The following UBE3B variants were observed in gnomAD, a reference collection of about 807,000 sequenced individuals.
UBE3B encodes the protein ubiquitin-protein ligase E3B.
UBE3B carries 80 observed loss-of-function variants against 132.3 expected under a neutral mutation model. The ratio of observed to expected loss-of-function variants is 0.60; its 90% confidence interval spans 0.50 to 0.73. UBE3B has a LOEUF of 0.73. Among genes scored for constraint, UBE3B ranks in the 30% least tolerant of loss-of-function variants. UBE3B has a pLI of 0.00. For missense variants in UBE3B, 1,196 were observed against 1,362.5 expected (o/e 0.88, Z 1.92); for synonymous variants, 487 against 520.4 (o/e 0.94, Z 0.87).
chr12:109,530,091 G>A lies in UBE3B; in HGVS notation c.2810+19G>A. The stretch of plus-strand genomic sequence containing the variant: ...ATTTAAAGTAAGAGGCGGGTGGGGG[G>A]AAGGGTGAAATTCCTTGGCCTCCCA... On this transcript the variant is annotated intron_variant, in intron 25 of 27. Coordinates refer to ENST00000342494, the MANE Select transcript of UBE3B (RefSeq NM_130466.4). 1.2e-6 allele frequency: 2 copies of A among 1,605,456 alleles called. No homozygotes were observed. The highest frequency in any genetic ancestry group is 1.7e-6 in the Non-Finnish European group (2 of 1,173,016).
intron 4 of UBE3B, 111 bp downstream of exon 4, chr12:109,484,092 T>C (rs1592874623): frequency 8.7e-7 from 1 of 1,155,506 alleles, no homozygotes; most frequent in Non-Finnish European, 1.2e-6. Flanking sequence ...ACTGTCACCC[T>C]CACATCCTGT....
In UBE3B at chr12:109,534,803, C is replaced by T. The variant is rs367828195; in HGVS notation, c.*21C>T. On this transcript the variant is annotated 3_prime_UTR_variant, in exon 28 of 28. Transcript: ENST00000342494. The surrounding 1 kb of genome is among the most constrained non-coding windows in gnomAD (Gnocchi z 5.2). ...CCTAGCTCCTGTCCCAGCCCTGCCTCCAGGGCTCCTGGGCTGCCAGGGACC... is the reference window on the plus strand; with the variant it reads ...CCTAGCTCCTGTCCCAGCCCTGCCTTCAGGGCTCCTGGGCTGCCAGGGACC... 2.0e-5 allele frequency: 29 copies of T among 1,473,580 alleles called. No individual in the cohort carries two copies. The highest frequency in any genetic ancestry group is 2.6e-5 in the Non-Finnish European group (29 of 1,105,686). The allele number at this position is 1,473,580 out of a possible 1,614,324, so 91.3% of individuals were successfully genotyped here. A position where few individuals can be genotyped will look rare whatever the true frequency, so the allele number is the denominator to read the frequency against.
intron 9 of UBE3B, among the ~76,000 whole-genome samples, chr12:109,495,909 C>A (rs781119404): frequency 3.9e-5 from 6 of 152,348 alleles, no homozygotes; most frequent in African/African-American, 1.4e-4. Flanking sequence ...ACGGCCATCA[C>A]GAACATGTCA....
At chr12:109,494,339 A>G (rs189778940) in intron 9 of UBE3B, among the ~76,000 whole-genome samples, 90 of 152,348 alleles carry the variant, frequency 5.9e-4, no homozygotes, top group Non-Finnish European at 8.8e-5. Context: ...AGTAAATAGC[A>G]CTTGAGAACC....
At chr12:109,503,237 C>T (rs2135938990) in intron 14 of UBE3B, 47 bp downstream of exon 14, 3 of 1,588,424 alleles carry the variant, frequency 1.9e-6, no homozygotes, top group Non-Finnish European at 1.7e-6. Flanking sequence ...ATTTGGCAGA[C>T]AGTTTGTCTT....
At chr12:109,490,697 T>C (rs377311778) in intron 8 of UBE3B, 3 of 1,447,316 alleles carry the variant, frequency 2.1e-6, no homozygotes, top group African/African-American at 2.9e-5. Context: ...TTTTTAACTT[T>C]ATTATTAAAG....
At chr12:109,497,970 C>A (rs772670592) in intron 10 of UBE3B, 47 bp downstream of exon 10, 1 of 1,586,546 alleles carries the variant, frequency 6.3e-7, no homozygotes, top group South Asian at 1.1e-5. Context: ...TTGTGTTTTT[C>A]TTTTCTTCTT....
At chr12:109,510,242 G>C in intron 16 of UBE3B, 102 bp from the exon 17 acceptor site, 1 of 907,724 alleles carries the variant, frequency 1.1e-6, no homozygotes, top group Non-Finnish European at 1.7e-6. Flanking sequence ...CAGAGCGAGG[G>C]AGATCAAGGA....
intron 24 of UBE3B, chr12:109,528,448 A>T: frequency 1.0e-6 from 1 of 985,186 alleles, no homozygotes; most frequent in Non-Finnish European, 1.2e-6. Context: ...TTAAATAGGG[A>T]TATTTTTGAG....
intron 19 of UBE3B, chr12:109,520,596 T>C (rs139031957): frequency 3.0e-3 from 453 of 152,530 alleles, no homozygotes; most frequent in Non-Finnish European, 4.5e-3. Flanking sequence ...TGTTACTCTT[T>C]GCCTAAAACC....
intron 18 of UBE3B, among the ~76,000 whole-genome samples, chr12:109,514,167 C>T (rs1880711623): frequency 6.6e-6 from 1 of 152,184 alleles, no homozygotes; most frequent in Non-Finnish European, 1.5e-5. Flanking sequence ...TGTGACTCAT[C>T]CCCTGGCTGG....
chr12:109,545,336 C>T, the UBE3B span, among the ~76,000 whole-genome samples: 1 of 152,216 alleles, frequency 6.6e-6, no homozygotes, highest in Non-Finnish European at 1.5e-5. Flanking sequence ...GCCTCCTGTG[C>T]CCCAGGCTGG....
At position 109,530,070 on chromosome 12, in the gene UBE3B, A is replaced by G. The variant is rs776705173; in HGVS notation, c.2808A>G (p.Leu936=). ...GDNAEIDLED[L]KKHTVYYGGF... ...ATGCTGAGATTGATCTGGAAGATTTAAAGTAAGAGGCGGGTGGGGGGAAGG... is the reference window on the plus strand; with the variant it reads ...ATGCTGAGATTGATCTGGAAGATTTGAAGTAAGAGGCGGGTGGGGGGAAGG... Residue 936 remains leucine, a splice_region_variant and synonymous_variant, in exon 25 of 28, where the codon TTA becomes TTG. Coordinates refer to ENST00000342494, the MANE Select transcript of UBE3B (RefSeq NM_130466.4). 9.3e-6 allele frequency: 15 copies of G among 1,613,650 alleles called. No homozygotes were observed. In the South Asian group the frequency reaches 1.3e-4, roughly 14 times the overall value.
intron 8 of UBE3B, chr12:109,490,620 TTAAACGGCTTC>T: frequency 1.3e-6 from 2 of 1,532,814 alleles, no homozygotes; most frequent in Non-Finnish European, 8.7e-7. Flanking sequence ...CATACCATAA[TTAAACGGCTTC>T]TAAAATAATA....
chr12:109,502,997 C>T, intron 13 of UBE3B, 26 bp from the exon 14 acceptor site: 1 of 1,613,972 alleles, frequency 6.2e-7, no homozygotes, highest in Non-Finnish European at 8.5e-7. Context: ...AGCTGCTGCT[C>T]ACATGTCTTC....
Position 109,534,794 on chromosome 12 carries a change from G to T in UBE3B, c.*12G>T. 1 of 1,492,772 alleles carries T rather than the reference G, an allele frequency of 6.7e-7. No homozygotes were observed. Among genetic ancestry groups the T allele is most frequent in the Non-Finnish European group, 8.9e-7 (1 of 1,119,582 alleles). The allele number at this position is 1,492,772 out of a possible 1,614,324, so 92.5% of individuals were successfully genotyped here. On this transcript the variant is annotated 3_prime_UTR_variant, in exon 28 of 28. Transcript: ENST00000342494. This position sits in a 1 kb window ranked among gnomAD's most constrained non-coding sequence, Gnocchi z 5.2. Reference sequence around the variant, plus strand: ...TTGAACTCTCCTAGCTCCTGTCCCAGCCCTGCCTCCAGGGCTCCTGGGCTG... The same window carrying T: ...TTGAACTCTCCTAGCTCCTGTCCCATCCCTGCCTCCAGGGCTCCTGGGCTG...
At chr12:109,537,409 C>T (rs1332979586), downstream of UBE3B, among the ~76,000 whole-genome samples, 2 of 152,162 alleles carry the variant, frequency 1.3e-5, no homozygotes, top group African/African-American at 2.4e-5. Context: ...GCTCTGAAGT[C>T]CCAGTGGCTT....
intron 9 of UBE3B, chr12:109,492,804 A>C: frequency 6.6e-6 from 1 of 152,224 alleles, no homozygotes. Context: ...ATTTAAACTA[A>C]TATATCCAAA....
chr12:109,493,895 A>C (rs1877821204), intron 9 of UBE3B, among the ~76,000 whole-genome samples: 1 of 152,170 alleles, frequency 6.6e-6, no homozygotes, highest in African/African-American at 2.4e-5. Flanking sequence ...GCATGATCAG[A>C]GCTCACTGCA....
Sources: allele counts gnomAD v4.1 joint callset (sites outside exome capture counted in the v4.1 genomes callset), GRCh38; gene constraint gnomAD v4.1.1; non-coding constraint Gnocchi (gnomAD v3.1); transcripts MANE v1.5; gene names NCBI Gene and HGNC (gene_info 2026-07-23, HGNC 2026-07-21).